TSHR: variants seen among roughly 807,000 people sequenced by gnomAD.
TSHR encodes the protein thyroid stimulating hormone receptor, also known as thyrotropin receptor.
In TSHR, 51 loss-of-function variants were observed where a neutral mutation model predicts 64.1. The observed-to-expected ratio is 0.80, with a 90% CI of 0.64 to 1.01. The LOEUF (loss-of-function observed/expected upper bound fraction) is 1.01, where lower values mean the gene tolerates loss of function less well. Ranked by LOEUF, TSHR falls within the 50% of genes least tolerant of loss-of-function variation. TSHR has a pLI of 0.00. For synonymous variants in TSHR, 361 were observed against 361.9 expected, an observed-to-expected ratio of 1.00 and a Z score of 0.03; for missense variants, 877 against 942.8, an observed-to-expected ratio of 0.93 and a Z score of 0.91.
At chr14:81,073,620 T>C (rs1052489920) in intron 3 of TSHR, among the ~76,000 whole-genome samples, 4 of 152,092 alleles carry the variant, frequency 2.6e-5, no homozygotes, top group Non-Finnish European at 5.9e-5. Flanking sequence ...AGAAAATAAT[T>C]TTAACTAAAT....
At chr14:81,034,584 G>A (rs1342000561) in intron 1 of TSHR, among the ~76,000 whole-genome samples, 2 of 152,132 alleles carry the variant, frequency 1.3e-5, no homozygotes, top group Non-Finnish European at 2.9e-5. Flanking sequence ...TTGCCCTTTT[G>A]TATGAAGTTT....
chr14:81,079,681 A>G (rs1595066849), intron 3 of TSHR, among the ~76,000 whole-genome samples: 1 of 152,166 alleles, frequency 6.6e-6, no homozygotes, highest in East Asian at 1.9e-4. Context: ...GTGAGACATC[A>G]TCTCTATGAA....
At chr14:81,123,454 C>T (rs967710288) in intron 8 of TSHR, among the ~76,000 whole-genome samples, 2 of 152,106 alleles carry the variant, frequency 1.3e-5, no homozygotes, top group Non-Finnish European at 2.9e-5. Flanking sequence ...CTTTTTATAA[C>T]CTTCCTGTAT....
In TSHR at chr14:81,091,131, T is replaced by C. The variant is rs1888701426; in HGVS notation, c.455T>C (p.Ile152Thr). ...CTGACCAAAGTTTATTCCACTGATA[T>C]ATTCTTTATACTGTAAGTATGCACA... ...PDLTKVYSTDIFFILEITDNP... is the reference protein window; with the variant it reads ...PDLTKVYSTDTFFILEITDNP... The change falls in exon 5 of 10, where the codon ATA (isoleucine) becomes ACA (threonine). Residue 152 changes from isoleucine to threonine, a missense_variant. Ile to Thr is a moderately conservative substitution (Grantham distance 89). Transcript: ENST00000298171. 6.2e-7 allele frequency: 1 copy of C among 1,611,960 alleles called. No individual in the cohort carries two copies. Among genetic ancestry groups the C allele is most frequent in the Non-Finnish European group, 8.5e-7 (1 of 1,179,632 alleles).
At position 81,088,008 on chromosome 14, in the gene TSHR, G is replaced by A. The variant is rs146496347; in HGVS notation, c.372G>A (p.Glu124=). ...LTYIDPDALK[E]LPLLKFLGIF... is the part of the protein sequence containing the mutation. ...ACATAGACCCTGATGCCCTCAAAGA[G>A]CTCCCCCTCCTAAAGTTCCTGTAAG... Residue 124 remains glutamate, a synonymous_variant, in exon 4 of 10, where the codon GAG becomes GAA. Transcript: ENST00000298171. 2.5e-6 allele frequency: 4 copies of A among 1,613,600 alleles called. No homozygotes were observed. Among genetic ancestry groups the A allele is most frequent in the Non-Finnish European group, 3.4e-6 (4 of 1,179,706 alleles).
At chr14:81,018,761 A>C (rs1883563671) in intron 1 of TSHR, among the ~76,000 whole-genome samples, 1 of 152,216 alleles carries the variant, frequency 6.6e-6, no homozygotes, top group Non-Finnish European at 1.5e-5. Context: ...ATCCCACTAC[A>C]TGAATAAGTG....
In TSHR at chr14:81,108,380, T is replaced by C; in HGVS notation, c.620T>C (p.Leu207Pro). Reference protein sequence around the residue: ...FNGTKLDAVYLNKNKYLTVID... With the variant: ...FNGTKLDAVYPNKNKYLTVID... ...CTTTCTCTCTCTCCCTCTAGTTACC[T>C]AAACAAGAATAAATACCTGACAGTT... is the stretch of plus-strand genomic sequence containing the variant. Residue 207 changes from leucine to proline, a missense_variant, in exon 8 of 10, where the codon CTA (leucine) becomes CCA (proline). By Grantham distance (98) the Leu-to-Pro change is moderately conservative (BLOSUM62 -3). Transcript: ENST00000298171. 1 of 1,612,050 alleles carries C rather than the reference T, an allele frequency of 6.2e-7. No homozygotes were observed. The highest frequency in any genetic ancestry group is 8.5e-7 in the Non-Finnish European group (1 of 1,178,572).
At chr14:81,028,358 A>T (rs190284310) in intron 1 of TSHR, among the ~76,000 whole-genome samples, 6 of 152,300 alleles carry the variant, frequency 3.9e-5, no homozygotes, top group African/African-American at 1.4e-4. Context: ...AAAGAGGAGA[A>T]AAAGGGAAAT....
chr14:80,967,098 A>ACATTT (rs1259331283), intron 1 of TSHR, among the ~76,000 whole-genome samples: 1 of 151,904 alleles, frequency 6.6e-6, no homozygotes. Flanking sequence ...TGAGAAAATG[A>ACATTT]CATTTGAATA....
At chr14:80,956,028 C>T (rs1353488846) in intron 1 of TSHR, 178 bp downstream of exon 1, 1 of 728,376 alleles carries the variant, frequency 1.4e-6, no homozygotes, top group South Asian at 1.7e-5. Context: ...ATCGCCCACA[C>T]TTGGGAAGGT....
chr14:81,095,945 T>C (rs952059314), intron 6 of TSHR, among the ~76,000 whole-genome samples: 1 of 147,976 alleles, frequency 6.8e-6, no homozygotes, highest in African/African-American at 2.5e-5. Context: ...GAGGCTGAGG[T>C]GGGAGGATCG....
At chr14:81,037,326 A>G (rs1884677877) in intron 1 of TSHR, among the ~76,000 whole-genome samples, 2 of 140,294 alleles carry the variant, frequency 1.4e-5, no homozygotes, top group Admixed American at 1.4e-4. Flanking sequence ...ACACAATGAA[A>G]AAGAAAAAAA....
At chr14:81,063,898 T>C (rs998524961) in intron 2 of TSHR, among the ~76,000 whole-genome samples, 2 of 151,886 alleles carry the variant, frequency 1.3e-5, no homozygotes, top group African/African-American at 2.4e-5. Context: ...CTGCATTATA[T>C]AGCAAAGAGC....
At chr14:80,956,037 GT>G in intron 1 of TSHR, 187 bp downstream of exon 1, 1 of 701,594 alleles carries the variant, frequency 1.4e-6, no homozygotes, top group Non-Finnish European at 2.5e-6. Context: ...ACTTGGGAAG[GT>G]ATCATTGTTG....
intron 1 of TSHR, among the ~76,000 whole-genome samples, chr14:81,037,424 C>CAAA (rs1884691823): frequency 8.8e-6 from 1 of 114,234 alleles, no homozygotes. Context: ...AAATACAAAA[C>CAAA]AAACAAACAA....
chr14:81,129,769 T>C (rs1459930356), intron 8 of TSHR, among the ~76,000 whole-genome samples: 1 of 152,140 alleles, frequency 6.6e-6, no homozygotes, highest in Non-Finnish European at 1.5e-5. Context: ...ACATCCTTTC[T>C]CCTCTCTTCC....
intron 1 of TSHR, among the ~76,000 whole-genome samples, chr14:81,054,218 T>C (rs28855991): frequency 0.23 from 35,215 of 152,170 alleles, 4,132 homozygotes; most frequent in South Asian, 0.28. Flanking sequence ...CAAGTTGTCT[T>C]TCTTTGCCTG....
At chr14:81,046,423 G>A (rs1885169058) in intron 1 of TSHR, among the ~76,000 whole-genome samples, 1 of 151,220 alleles carries the variant, frequency 6.6e-6, no homozygotes, top group African/African-American at 2.4e-5. Context: ...TAACATCAGT[G>A]AATACTACAG....
chr14:81,086,333 C>A (rs1888284791), intron 3 of TSHR, among the ~76,000 whole-genome samples: 1 of 152,144 alleles, frequency 6.6e-6, no homozygotes, highest in African/African-American at 2.4e-5. Context: ...GATTTCTGTT[C>A]TCAGAGTTAA....
Sources: gnomAD v4.1 joint callset for allele counts (sites outside exome capture counted in the v4.1 genomes callset) on GRCh38, gnomAD v4.1.1 for gene constraint, MANE v1.5 for transcripts, NCBI Gene and HGNC (gene_info 2026-07-23, HGNC 2026-07-21) for gene names.